Variants in LRRTM4 observed in about 807,000 individuals in gnomAD.
LRRTM4 encodes leucine rich repeat transmembrane neuronal 4, also known as leucine-rich repeat transmembrane neuronal protein 4.
LRRTM4 carries 25 observed loss-of-function variants against 47.6 expected under a neutral mutation model. The observed-to-expected ratio is 0.53, with a 90% CI of 0.38 to 0.73. LRRTM4 has a LOEUF of 0.73. LRRTM4 is among the 30% of genes least tolerant of loss of function. The probability of loss-of-function intolerance (pLI) is 0.00; values close to 1 mark genes in which losing one functional copy is unlikely to be tolerated. For missense variants in LRRTM4, 638 were observed against 713.4 expected, an observed-to-expected ratio of 0.89 and a Z score of 1.20; for synonymous variants, 311 against 269.5, an observed-to-expected ratio of 1.15 and a Z score of -1.51.
Position 76,903,043 on chromosome 2 carries a change from C to T in LRRTM4, c.1552-154127G>A, listed in dbSNP as rs149996956. Among the ~76,000 whole-genome samples, 16 of 152,182 alleles carry T rather than the reference C, an allele frequency of 1.1e-4. No individual in the cohort carries two copies. In the East Asian group the frequency reaches 2.7e-3, roughly 26 times the overall value. On this transcript the variant is annotated intron_variant, in intron 3 of 3. Coordinates refer to ENST00000409884, the MANE Select transcript of LRRTM4 (RefSeq NM_001134745.3). Reference sequence around the variant, plus strand: ...TCTCAATTCATTAATATATGTTGAACTGTTTCACTTATCTTTCAACCAGAT... The same window carrying T: ...TCTCAATTCATTAATATATGTTGAATTGTTTCACTTATCTTTCAACCAGAT...
chr2:77,149,262 C>A (rs1573010617), intron 3 of LRRTM4, among the ~76,000 whole-genome samples: 2 of 151,800 alleles, frequency 1.3e-5, no homozygotes, highest in South Asian at 4.2e-4. Flanking sequence ...TACTAAAATA[C>A]AATATTTTAG....
intron 3 of LRRTM4, among the ~76,000 whole-genome samples, chr2:77,212,457 T>TTATATTCTCTATA (rs1674318912): frequency 6.9e-6 from 1 of 145,514 alleles, no homozygotes; most frequent in Non-Finnish European, 1.5e-5. Context: ...AGTGGAATAA[T>TTATATTCTCTATA]TATATATATA....
intron 3 of LRRTM4, among the ~76,000 whole-genome samples, chr2:76,993,170 A>G (rs999064132): frequency 6.6e-6 from 1 of 151,976 alleles, no homozygotes; most frequent in Admixed American, 6.6e-5. Context: ...TAAAAATCCT[A>G]GAAGAAAACC....
chr2:77,298,176 A>G lies in LRRTM4; in HGVS notation c.1551+220142T>C, dbSNP rs1266791388. Among the ~76,000 whole-genome samples, 3 of 152,340 alleles carry G rather than the reference A, an allele frequency of 2.0e-5. No individual in the cohort carries two copies. The South Asian group carries it at 6.2e-4, about 32-fold the overall frequency. ...ATCTATTATCAAACGAATACATTCTAATAAAGTCAGACAAGTAGTTCTAAA... is the reference window on the plus strand; with the variant it reads ...ATCTATTATCAAACGAATACATTCTGATAAAGTCAGACAAGTAGTTCTAAA... On this transcript the variant is annotated intron_variant, in intron 3 of 3. Transcript: ENST00000409884.
At chr2:77,217,031 C>A (rs530243733) in intron 3 of LRRTM4, among the ~76,000 whole-genome samples, 1 of 150,622 alleles carries the variant, frequency 6.6e-6, no homozygotes, top group East Asian at 2.0e-4. Flanking sequence ...CGAGATTGCG[C>A]CACTGCACTG....
chr2:77,175,131 C>A (rs1673158473), intron 3 of LRRTM4, among the ~76,000 whole-genome samples: 1 of 150,164 alleles, frequency 6.7e-6, no homozygotes, highest in Admixed American at 6.6e-5. Context: ...GTACAGTGAC[C>A]CTATCTCTGC....
At chr2:76,885,463 T>C (rs1422977885) in intron 3 of LRRTM4, among the ~76,000 whole-genome samples, 3 of 71,990 alleles carry the variant, frequency 4.2e-5, no homozygotes, top group Non-Finnish European at 7.3e-5. Context: ...AAAAACATGC[T>C]TTTTTTTTTT....
At chr2:76,750,178 A>G (rs1424808800) in intron 3 of LRRTM4, among the ~76,000 whole-genome samples, 1 of 152,146 alleles carries the variant, frequency 6.6e-6, no homozygotes, top group African/African-American at 2.4e-5. Context: ...GGCTATATCA[A>G]TTTATTCCCA....
intron 3 of LRRTM4, among the ~76,000 whole-genome samples, chr2:77,302,755 C>A (rs185144841): frequency 5.3e-5 from 8 of 152,088 alleles, no homozygotes; most frequent in African/African-American, 1.9e-4. Context: ...TCCACACGTG[C>A]ACACGCCCCT....
intron 3 of LRRTM4, among the ~76,000 whole-genome samples, chr2:77,432,738 T>C (rs1411999380): frequency 6.6e-6 from 1 of 152,190 alleles, no homozygotes; most frequent in Non-Finnish European, 1.5e-5. Flanking sequence ...TGTATATAGA[T>C]ATAGGCATAC....
intron 3 of LRRTM4, among the ~76,000 whole-genome samples, chr2:77,342,085 A>G (rs1356819572): frequency 6.6e-6 from 1 of 151,934 alleles, no homozygotes; most frequent in African/African-American, 2.4e-5. Flanking sequence ...TGCTATACCA[A>G]TGTGCTATAC....
intron 3 of LRRTM4, among the ~76,000 whole-genome samples, chr2:76,924,127 A>C (rs1235720874): frequency 6.6e-6 from 1 of 151,950 alleles, no homozygotes; most frequent in Non-Finnish European, 1.5e-5. Flanking sequence ...AATGAAGACA[A>C]ACTTATTTAT....
rs1184829691 is a variant in LRRTM4 at position 77,522,295 on chromosome 2, C to A, written c.-334G>T. On this transcript the variant is annotated 5_prime_UTR_variant, in exon 1 of 4. Transcript: ENST00000409884. ...GTTTTGTAGCTGTGCTGGGAGGCAG[C>A]CCTTGTCTAATTCAGAAGGCTTTCC... 5.6e-6 allele frequency: 3 copies of A among 537,104 alleles called. No homozygotes were observed. Among genetic ancestry groups the A allele is most frequent in the East Asian group, 3.1e-5 (1 of 31,998 alleles). The allele number at this position is 537,104 out of a possible 1,614,324, so 33.3% of individuals were successfully genotyped here.
chr2:76,896,254 T>C (rs185594973), intron 3 of LRRTM4, among the ~76,000 whole-genome samples: 1 of 152,020 alleles, frequency 6.6e-6, no homozygotes, highest in African/African-American at 2.4e-5. Flanking sequence ...CTCTTGGTTA[T>C]GTTTCCCACA....
intron 3 of LRRTM4, among the ~76,000 whole-genome samples, chr2:77,248,109 T>C (rs1375015703): frequency 6.6e-6 from 1 of 150,966 alleles, no homozygotes; most frequent in East Asian, 1.9e-4. Context: ...AATATGTATA[T>C]ATTAATTTAT....
At chr2:76,858,327 CTT>C (rs1380207073) in intron 3 of LRRTM4, among the ~76,000 whole-genome samples, 2 of 152,186 alleles carry the variant, frequency 1.3e-5, no homozygotes, top group Non-Finnish European at 2.9e-5. Context: ...CCACCTGACT[CTT>C]TTCAAACTGA....
chr2:77,185,001 A>C (rs574415744), intron 3 of LRRTM4, among the ~76,000 whole-genome samples: 1 of 151,600 alleles, frequency 6.6e-6, no homozygotes, highest in South Asian at 2.1e-4. Context: ...CATATTGTAT[A>C]GTATCATCTC....
chr2:77,266,338 T>C (rs1468805798), intron 3 of LRRTM4, among the ~76,000 whole-genome samples: 2 of 151,976 alleles, frequency 1.3e-5, no homozygotes, highest in Admixed American at 6.6e-5. Flanking sequence ...TTTATGCAAA[T>C]TCAAAAGGCA....
chr2:77,474,936 A>G (rs1677328278), intron 3 of LRRTM4, among the ~76,000 whole-genome samples: 1 of 152,114 alleles, frequency 6.6e-6, no homozygotes, highest in Admixed American at 6.6e-5. Context: ...TCACAGCATG[A>G]TAATATACAA....
Sources: gnomAD v4.1 joint callset for allele counts (sites outside exome capture counted in the v4.1 genomes callset) on GRCh38, gnomAD v4.1.1 for gene constraint, MANE v1.5 for transcripts, NCBI Gene and HGNC (gene_info 2026-07-23, HGNC 2026-07-21) for gene names.